The following RIT2 variants were observed in gnomAD, a reference collection of about 807,000 sequenced individuals.
The protein encoded by RIT2 is Ras like without CAAX 2.
Under a neutral mutation model 23.7 loss-of-function variants are expected in RIT2, and 24 were observed. The ratio of observed to expected loss-of-function variants is 1.01; its 90% CI spans 0.73 to 1.43. RIT2 has a LOEUF of 1.43. Ranked by LOEUF, RIT2 falls within the 40% of genes most tolerant of loss-of-function variation. The pLI is 0.00. For synonymous variants in RIT2, 107 were observed against 91.1 expected (o/e 1.17, Z -0.99); for missense variants, 236 against 266.9 (o/e 0.88, Z 0.81).
chr18:42,876,284 TA>T (rs1429701801), intron 4 of RIT2, among the ~76,000 whole-genome samples: 1 of 151,914 alleles, frequency 6.6e-6, no homozygotes, highest in Non-Finnish European at 1.5e-5. Flanking sequence ...AAGATATTTT[TA>T]CCACATATTC....
At chr18:42,927,672 A>C (rs2144139907) in intron 3 of RIT2, among the ~76,000 whole-genome samples, 1 of 152,112 alleles carries the variant, frequency 6.6e-6, no homozygotes. Flanking sequence ...GAACATTACC[A>C]GATTCCATCT....
chr18:42,881,103 C>G (rs576026831), intron 4 of RIT2, among the ~76,000 whole-genome samples: 74 of 152,036 alleles, frequency 4.9e-4, no homozygotes, highest in African/African-American at 1.7e-3. Context: ...ACTGCACCCA[C>G]CCATCTTCCT....
chr18:43,006,314 G>A (rs1056612188), intron 2 of RIT2, among the ~76,000 whole-genome samples: 3 of 151,168 alleles, frequency 2.0e-5, no homozygotes, highest in Admixed American at 6.6e-5. Flanking sequence ...AAAGAAGGAA[G>A]AAGAAGAAAA....
intron 1 of RIT2, among the ~76,000 whole-genome samples, chr18:43,075,868 T>G (rs1441108245): frequency 2.7e-4 from 41 of 152,202 alleles, no homozygotes; most frequent in Non-Finnish European, 6.0e-4. Flanking sequence ...AAAAATGAGC[T>G]TTTTGAAGAT....
chr18:42,748,727 G>T (rs1912976397), intron 4 of RIT2, among the ~76,000 whole-genome samples: 1 of 151,848 alleles, frequency 6.6e-6, no homozygotes, highest in South Asian at 2.1e-4. Flanking sequence ...TAATGTAAAG[G>T]CATAAGAAAG....
At chr18:43,073,089 C>T (rs571037900) in intron 1 of RIT2, among the ~76,000 whole-genome samples, 2 of 152,080 alleles carry the variant, frequency 1.3e-5, no homozygotes. Flanking sequence ...AACTTAATAA[C>T]GAGGGTGTAG....
chr18:43,068,045 A>G (rs79035014), intron 1 of RIT2, among the ~76,000 whole-genome samples: 9,363 of 152,252 alleles, frequency 0.061, 496 homozygotes, highest in East Asian at 0.25. Context: ...GGGAGACACA[A>G]TACAAACTTG....
intron 2 of RIT2, among the ~76,000 whole-genome samples, chr18:42,975,561 G>C (rs1033621175): frequency 9.2e-5 from 14 of 152,052 alleles, no homozygotes; most frequent in African/African-American, 2.9e-4. Flanking sequence ...AGGACCCTGA[G>C]CAGATAGTGA....
chr18:42,919,478 C>A (rs1300319880), intron 4 of RIT2, among the ~76,000 whole-genome samples: 1 of 152,084 alleles, frequency 6.6e-6, no homozygotes, highest in Non-Finnish European at 1.5e-5. Context: ...CTTTGGGCAG[C>A]CGAGGCTGGA....
At chr18:42,883,279 A>G (rs1288388883) in intron 4 of RIT2, among the ~76,000 whole-genome samples, 2 of 152,210 alleles carry the variant, frequency 1.3e-5, no homozygotes, top group Admixed American at 1.3e-4. Context: ...AAAGCCAGGA[A>G]CGGAGGAAGC....
In RIT2 at chr18:42,774,166, G is replaced by GT. The variant is rs764176864; in HGVS notation, c.427-30447dup. Among the ~76,000 whole-genome samples the GT allele has an allele frequency of 8.2e-3, 1,244 of 151,124 alleles. 9 individuals carry two copies. Among genetic ancestry groups the GT allele is most frequent in the Non-Finnish European group, 0.014 (948 of 67,672 alleles). On this transcript the variant is annotated intron_variant, in intron 4 of 4. Transcript: ENST00000326695. ...AAGCAATTCAGACCATTTACAAAAT[G>GT]TTTTTTTTTCTCTTTGATGTCTCAC... is the stretch of plus-strand genomic sequence containing the variant.
chr18:42,763,150 A>C (rs1913340664), intron 4 of RIT2, among the ~76,000 whole-genome samples: 1 of 152,188 alleles, frequency 6.6e-6, no homozygotes, highest in African/African-American at 2.4e-5. Flanking sequence ...TACAGTAAAA[A>C]ATCAATATAA....
intron 2 of RIT2, among the ~76,000 whole-genome samples, chr18:43,033,593 A>G (rs557110544): frequency 6.6e-6 from 1 of 152,282 alleles, no homozygotes; most frequent in East Asian, 1.9e-4. Context: ...CCAGAAAGAA[A>G]TAGAATAGAT....
chr18:42,900,553 T>C (rs1031251480), intron 4 of RIT2, among the ~76,000 whole-genome samples: 1 of 152,126 alleles, frequency 6.6e-6, no homozygotes, highest in African/African-American at 2.4e-5. Flanking sequence ...GGGTTTCTTT[T>C]GATGGAATTG....
At position 42,993,452 on chromosome 18, in the gene RIT2, T is replaced by C. The variant is rs370118601; in HGVS notation, c.161-19305A>G. Among the ~76,000 whole-genome samples the C allele has an allele frequency of 1.6e-4, 24 of 152,226 alleles. No individual in the cohort carries two copies. In the East Asian group the frequency reaches 3.5e-3, roughly 22 times the overall value. ...GTAAGTCCGTCCCCTTCTAAATCAATATGGAAGCTACCCACTCCACATTAC... is the reference window on the plus strand; with the variant it reads ...GTAAGTCCGTCCCCTTCTAAATCAACATGGAAGCTACCCACTCCACATTAC... On this transcript the variant is annotated intron_variant, in intron 2 of 4. Coordinates refer to ENST00000326695, the MANE Select transcript of RIT2 (RefSeq NM_002930.4).
At chr18:42,904,753 C>T (rs919504778) in intron 4 of RIT2, among the ~76,000 whole-genome samples, 11 of 151,938 alleles carry the variant, frequency 7.2e-5, no homozygotes, top group African/African-American at 2.7e-4. Flanking sequence ...TTATATTCAT[C>T]AATTCATACA....
intron 3 of RIT2, among the ~76,000 whole-genome samples, chr18:42,973,607 T>C (rs981057775): frequency 2.0e-5 from 3 of 151,860 alleles, no homozygotes; most frequent in African/African-American, 7.2e-5. Flanking sequence ...CTTCATTTTC[T>C]TCTTCCCTAC....
At chr18:43,111,619 C>A (rs964753703) in intron 1 of RIT2, among the ~76,000 whole-genome samples, 2 of 152,076 alleles carry the variant, frequency 1.3e-5, no homozygotes, top group Admixed American at 1.3e-4. Context: ...ATAAAAAAAT[C>A]TACTAATTTA....
chr18:42,861,281 G>A (rs144012097), intron 4 of RIT2, among the ~76,000 whole-genome samples: 17 of 152,262 alleles, frequency 1.1e-4, no homozygotes, highest in African/African-American at 3.6e-4. Flanking sequence ...CTAACCTGAT[G>A]GCAGTTAGGG....
Sources: gnomAD v4.1 joint callset for allele counts (sites outside exome capture counted in the v4.1 genomes callset) on GRCh38, gnomAD v4.1.1 for gene constraint, MANE v1.5 for transcripts, NCBI Gene and HGNC (gene_info 2026-07-23, HGNC 2026-07-21) for gene names.